Variants in LRP12 observed in about 807,000 individuals in gnomAD.
LRP12 encodes LDL receptor related protein 12.
A neutral mutation model predicts 66.0 loss-of-function variants in LRP12; 14 were observed. The observed-to-expected ratio is 0.21, with a 90% CI of 0.14 to 0.33. The LOEUF (loss-of-function observed/expected upper bound fraction) is 0.33. Among genes scored for constraint, LRP12 ranks in the 10% least tolerant of loss-of-function variants. LRP12 has a pLI of 1.00. For synonymous variants in LRP12, 357 were observed against 359.1 expected, an observed-to-expected ratio of 0.99 and a Z score of 0.07; for missense variants, 889 against 1,053.4, an observed-to-expected ratio of 0.84 and a Z score of 2.16.
rs374156222 is a variant in LRP12, at chr8:104,497,088, G to A, written c.1464C>T (p.Ile488=). 2.4e-5 allele frequency: 38 copies of A among 1,613,582 alleles called. No homozygotes were observed. The East Asian group carries it at 3.6e-4, about 15-fold the overall frequency. ...DGSDEENCPV[I]VPTRVITAAV... is the part of the protein sequence containing the mutation. ...CAGCAGTGATGACTCTTGTAGGCAC[G>A]ATTACTGGGCAATTTTCTTCATCGC... Residue 488 remains isoleucine (I), a synonymous_variant, in exon 5 of 7, where the codon ATC becomes ATT. Coordinates refer to ENST00000276654, the MANE Select transcript of LRP12 (RefSeq NM_013437.5). The surrounding 1 kb of genome is among the most constrained non-coding windows in gnomAD (Gnocchi z 4.3).
chr8:104,532,286 C>G (rs1222920299), intron 1 of LRP12, among the ~76,000 whole-genome samples: 1 of 151,112 alleles, frequency 6.6e-6, no homozygotes, highest in Non-Finnish European at 1.5e-5. Flanking sequence ...GAGAACACAG[C>G]TTGTTAAAAA....
At chr8:104,526,411 A>C (rs1460275250) in intron 2 of LRP12, among the ~76,000 whole-genome samples, 2 of 151,054 alleles carry the variant, frequency 1.3e-5, no homozygotes, top group East Asian at 3.9e-4. Flanking sequence ...TGGAGGCATC[A>C]CGCTACCTGA....
At chr8:104,514,430 C>T (rs190370224) in intron 2 of LRP12, among the ~76,000 whole-genome samples, 1 of 151,650 alleles carries the variant, frequency 6.6e-6, no homozygotes, top group African/African-American at 2.4e-5. Flanking sequence ...AGTCTCCGGC[C>T]AAGTGTGGTG....
Position 104,491,219 on chromosome 8 carries a change from T to G in LRP12, c.2034A>C (p.Lys678Asn). ...CTTCTACTGCCGTTGTGGGAGGGAC[T>G]TTTTGAGGCAAAGGAGCTGCAACCC... The part of the protein sequence containing the change: ...SGGVAAPLPQ[K>N]VPPTTAVEAT... The change falls in exon 7 of 7, where the codon AAA (lysine) becomes AAC (asparagine). Residue 678 changes from lysine to asparagine, a missense_variant. By Grantham distance (94) the Lys-to-Asn change is moderately conservative. This residue lies in a region of LRP12 where 800 missense variants were observed against 964.5 expected (regional missense o/e 0.83). Transcript: ENST00000276654. 1 of 1,614,022 alleles carries G rather than the reference T, an allele frequency of 6.2e-7. No individual in the cohort carries two copies. Among genetic ancestry groups the G allele is most frequent in the Non-Finnish European group, 8.5e-7 (1 of 1,179,992 alleles).
At chr8:104,499,617 C>T in intron 3 of LRP12, 98 bp from the exon 4 acceptor site, 1 of 705,348 alleles carries the variant, frequency 1.4e-6, no homozygotes, top group East Asian at 2.7e-5. Context: ...CCTCCATATA[C>T]TGACTGATTC....
intron 1 of LRP12, among the ~76,000 whole-genome samples, chr8:104,548,050 T>C (rs1811628654): frequency 8.3e-6 from 1 of 120,826 alleles, no homozygotes; most frequent in African/African-American, 3.1e-5. Context: ...TTCTGTTATA[T>C]TATATTTTGT....
At chr8:104,515,822 A>G (rs1025405727) in intron 2 of LRP12, among the ~76,000 whole-genome samples, 2 of 152,174 alleles carry the variant, frequency 1.3e-5, no homozygotes, top group Non-Finnish European at 2.9e-5. Flanking sequence ...GTTGTAAGTG[A>G]TCTATGCCAA....
chr8:104,496,683 C>T (rs1034627760), intron 5 of LRP12, among the ~76,000 whole-genome samples: 1 of 152,108 alleles, frequency 6.6e-6, no homozygotes, highest in African/African-American at 2.4e-5. Flanking sequence ...CAGGTTAAAA[C>T]ACTAAAACTG....
At chr8:104,494,951 T>C (rs1327805391) in intron 6 of LRP12, 126 bp downstream of exon 6, 8 of 740,216 alleles carry the variant, frequency 1.1e-5, no homozygotes, top group Non-Finnish European at 1.7e-5. Flanking sequence ...TGACTTCAAA[T>C]CTTCCATACA....
At chr8:104,579,081 G>A (rs911623986) in intron 1 of LRP12, among the ~76,000 whole-genome samples, 1 of 151,816 alleles carries the variant, frequency 6.6e-6, no homozygotes. Flanking sequence ...TCTCGGTTAG[G>A]GTAATCAAGC....
intron 2 of LRP12, among the ~76,000 whole-genome samples, chr8:104,529,045 C>T (rs913773514): frequency 2.0e-5 from 3 of 152,044 alleles, no homozygotes; most frequent in African/African-American, 7.2e-5. Flanking sequence ...AATGTGTTGC[C>T]TCCAAAACTC....
chr8:104,539,533 A>C (rs929001478), intron 1 of LRP12, among the ~76,000 whole-genome samples: 3 of 152,146 alleles, frequency 2.0e-5, no homozygotes, highest in African/African-American at 7.2e-5. Context: ...TATACAACAC[A>C]CAAAATATTC....
chr8:104,536,653 G>A (rs2140866930), intron 1 of LRP12, among the ~76,000 whole-genome samples: 1 of 152,032 alleles, frequency 6.6e-6, no homozygotes, highest in East Asian at 1.9e-4. Flanking sequence ...TCTTATTCAA[G>A]GGGAAAGCCT....
At chr8:104,548,838 G>C (rs1039481522) in intron 1 of LRP12, among the ~76,000 whole-genome samples, 14 of 151,456 alleles carry the variant, frequency 9.2e-5, no homozygotes, top group African/African-American at 2.9e-4. Context: ...CAGCTACTCA[G>C]GAGGCTGAGG....
At position 104,489,900 on chromosome 8, in the gene LRP12, T is replaced by C. The variant is rs1810590295; in HGVS notation, c.*773A>G. 6.6e-6 allele frequency: 1 copy of C among 152,632 alleles called. No individual in the cohort carries two copies. Among genetic ancestry groups the C allele is most frequent in the Non-Finnish European group, 1.5e-5 (1 of 68,024 alleles). 9.5% of individuals were successfully genotyped at this position (152,632 alleles called of 1,614,324 possible). A position where few individuals can be genotyped will look rare whatever the true frequency, so the allele number is the denominator to read the frequency against. ...TTGTACAATTTTTGTACATGTTTTA[T>C]AAAGTTCAAGATTTAATGCATAGTA... On this transcript the variant is annotated 3_prime_UTR_variant, in exon 7 of 7. Transcript: ENST00000276654.
chr8:104,537,441 T>G (rs1191999020), intron 1 of LRP12, among the ~76,000 whole-genome samples: 1 of 152,138 alleles, frequency 6.6e-6, no homozygotes, highest in Non-Finnish European at 1.5e-5. Context: ...AAAGCTTAAA[T>G]AAACACTTCC....
intron 1 of LRP12, among the ~76,000 whole-genome samples, chr8:104,546,486 G>T (rs1487664245): frequency 6.6e-6 from 1 of 152,082 alleles, no homozygotes; most frequent in East Asian, 1.9e-4. Flanking sequence ...AATTCATGAT[G>T]TATTATTAAA....
chr8:104,570,027 A>G lies in LRP12; in HGVS notation c.79+18792T>C, dbSNP rs567883434. On this transcript the variant is annotated intron_variant, in intron 1 of 6. Transcript: ENST00000276654. Reference sequence around the variant, plus strand: ...AAACAATTAAAAATCAACATTTAAAAGCAATATTATTTCCTATAACTCCCC... The same window carrying G: ...AAACAATTAAAAATCAACATTTAAAGGCAATATTATTTCCTATAACTCCCC... 3.7e-4 allele frequency among the ~76,000 whole-genome samples: 57 copies of G among 152,296 alleles called. 2 individuals are homozygous for G. The Middle Eastern group carries it at 0.014, about 36-fold the overall frequency.
intron 1 of LRP12, among the ~76,000 whole-genome samples, chr8:104,558,149 G>T (rs1300138903): frequency 6.6e-6 from 1 of 152,130 alleles, no homozygotes; most frequent in Non-Finnish European, 1.5e-5. Flanking sequence ...GGCGAAGGCT[G>T]CAGTGAATTG....
Sources: allele counts gnomAD v4.1 joint callset (sites outside exome capture counted in the v4.1 genomes callset), GRCh38; gene constraint gnomAD v4.1.1; regional missense constraint gnomAD v4.1.1; non-coding constraint Gnocchi (gnomAD v3.1); transcripts MANE v1.5; gene names NCBI Gene and HGNC (gene_info 2026-07-23, HGNC 2026-07-21).